The following MED30 variants were observed in gnomAD, a reference collection of about 807,000 sequenced individuals.
The protein encoded by MED30 is mediator of RNA polymerase II transcription subunit 30.
Under a neutral mutation model 21.7 loss-of-function variants are expected in MED30, and 8 were observed. The observed-to-expected ratio is 0.37, with a 90% confidence interval of 0.22 to 0.67. The LOEUF (loss-of-function observed/expected upper bound fraction) is 0.67. Among genes scored for constraint, MED30 ranks in the 30% least tolerant of loss-of-function variants. MED30 has a pLI of 0.58. For synonymous variants in MED30, 79 were observed against 86.7 expected (o/e 0.91, Z 0.49); for missense variants, 203 against 228.2 (o/e 0.89, Z 0.71).
chr8:117,520,903 G>T lies in MED30; in HGVS notation c.27G>T (p.Ser9=), dbSNP rs1318354545. 1.2e-6 allele frequency: 2 copies of T among 1,606,778 alleles called. No individual in the cohort carries two copies. The highest frequency in any genetic ancestry group is 1.7e-6 in the Non-Finnish European group (2 of 1,176,984). MSTPPLAA[S]GMAPGPFAGP... ...TGTCCACCCCTCCGTTGGCCGCGTC[G>T]GGGATGGCGCCCGGGCCCTTCGCCG... Residue 9 remains serine, a synonymous_variant, in exon 1 of 4, where the codon TCG becomes TCT. Coordinates refer to ENST00000297347, the MANE Select transcript of MED30 (RefSeq NM_080651.4).
intron 1 of MED30, chr8:117,523,815 TA>T: frequency 1.6e-6 from 1 of 612,264 alleles, no homozygotes; most frequent in Admixed American, 3.0e-5. Flanking sequence ...GAGACCAGCC[TA>T]GCCAACATGG....
At chr8:117,527,394 A>C (rs888965766) in intron 1 of MED30, among the ~76,000 whole-genome samples, 1 of 151,944 alleles carries the variant, frequency 6.6e-6, no homozygotes, top group African/African-American at 2.4e-5. Flanking sequence ...AACTCCTAAT[A>C]ATATCACACT....
chr8:117,523,829 A>G (rs1818675524), intron 1 of MED30: 3 of 541,818 alleles, frequency 5.5e-6, no homozygotes, highest in Admixed American at 3.2e-5. Context: ...CAACATGGTG[A>G]AACCCCATCT....
chr8:117,537,471 TG>T (rs1818899095), intron 3 of MED30, among the ~76,000 whole-genome samples: 1 of 152,224 alleles, frequency 6.6e-6, no homozygotes, highest in Admixed American at 6.5e-5. Flanking sequence ...ATATTTTATT[TG>T]TATGCTAATT....
chr8:117,526,952 G>A (rs554403559), intron 1 of MED30, among the ~76,000 whole-genome samples: 2 of 151,928 alleles, frequency 1.3e-5, no homozygotes, highest in South Asian at 2.1e-4. Context: ...AGATTTATGG[G>A]TAAAATAACT....
chr8:117,523,629 A>G (rs1818669522), intron 1 of MED30: 1 of 1,599,780 alleles, frequency 6.3e-7, no homozygotes, highest in South Asian at 1.1e-5. Flanking sequence ...CCTTCATGAC[A>G]TGAAGGTTGG....
At chr8:117,535,462 G>A (rs926995093) in intron 3 of MED30, among the ~76,000 whole-genome samples, 14 of 151,568 alleles carry the variant, frequency 9.2e-5, no homozygotes, top group South Asian at 4.2e-4. Context: ...AACTCCTGAC[G>A]TCGTGATCAC....
chr8:117,539,792 CATT>C (rs1818947648), intron 3 of MED30, 88 bp from the exon 4 acceptor site: 1 of 755,930 alleles, frequency 1.3e-6, no homozygotes, highest in Non-Finnish European at 2.2e-6. Context: ...CTGTCTGTAT[CATT>C]ATAATCCTAA....
intron 1 of MED30, among the ~76,000 whole-genome samples, chr8:117,524,953 G>A (rs1278339595): frequency 6.6e-6 from 1 of 152,082 alleles, no homozygotes; most frequent in South Asian, 2.1e-4. Flanking sequence ...AGTTTACACT[G>A]CATGGAAATA....
chr8:117,535,042 CTT>C (rs1818852700), intron 3 of MED30, among the ~76,000 whole-genome samples: 1 of 151,784 alleles, frequency 6.6e-6, no homozygotes, highest in African/African-American at 2.4e-5. Context: ...TATAAAAGGA[CTT>C]TCTCCATATG....
At chr8:117,534,070 T>C (rs1166317272) in intron 3 of MED30, among the ~76,000 whole-genome samples, 1 of 152,122 alleles carries the variant, frequency 6.6e-6, no homozygotes, top group Non-Finnish European at 1.5e-5. Flanking sequence ...TTGTTTAAAC[T>C]ACTAGATAGT....
chr8:117,523,485 G>C, intron 1 of MED30: 1 of 1,588,740 alleles, frequency 6.3e-7, no homozygotes, highest in East Asian at 2.2e-5. Flanking sequence ...GGCGTAGGGT[G>C]GCAGGAACAA....
In MED30 at chr8:117,537,759, G is replaced by A. The variant is rs572162399; in HGVS notation, c.442-2124G>A. 4.6e-5 allele frequency among the ~76,000 whole-genome samples: 7 copies of A among 152,234 alleles called. No individual in the cohort carries two copies. The East Asian group carries it at 1.4e-3, about 29-fold the overall frequency. On this transcript the variant is annotated intron_variant, in intron 3 of 3. Coordinates refer to ENST00000297347, the MANE Select transcript of MED30 (RefSeq NM_080651.4). Reference sequence around the variant, plus strand: ...AGACCATTGTGATAGCCAGCTGCAAGCCCTGAGTTGATACTGATTATAAAG... The same window carrying A: ...AGACCATTGTGATAGCCAGCTGCAAACCCTGAGTTGATACTGATTATAAAG...
Position 117,521,445 on chromosome 8 carries a change from C to CT in MED30, c.177+399dup, listed in dbSNP as rs557111963. On this transcript the variant is annotated intron_variant, in intron 1 of 3. Coordinates refer to ENST00000297347, the MANE Select transcript of MED30 (RefSeq NM_080651.4). ...CATTTTTTTTAAAAAAACAGTCCTC[C>CT]TTTTTTTGGCATAGTTAATATACAG... Among the ~76,000 whole-genome samples the CT allele has an allele frequency of 3.3e-5, 5 of 152,078 alleles. No individual in the cohort carries two copies. The South Asian group carries it at 1.0e-3, about 32-fold the overall frequency.
intron 1 of MED30, 128 bp from the exon 2 acceptor site, chr8:117,528,523 C>G (rs1486356946): frequency 3.3e-6 from 2 of 612,990 alleles, no homozygotes; most frequent in African/African-American, 1.9e-5. Context: ...TAAACTTGAT[C>G]AGTTGTGAGG....
intron 3 of MED30, among the ~76,000 whole-genome samples, chr8:117,533,414 T>C (rs545376400): frequency 3.3e-5 from 5 of 152,170 alleles, no homozygotes; most frequent in Non-Finnish European, 7.4e-5. Flanking sequence ...AGGATTTAGC[T>C]CCCTACAGCC....
At chr8:117,526,292 T>C (rs1464011614) in intron 1 of MED30, among the ~76,000 whole-genome samples, 1 of 152,056 alleles carries the variant, frequency 6.6e-6, no homozygotes, top group African/African-American at 2.4e-5. Flanking sequence ...TTTTTCTCTT[T>C]CTTCTCTAAT....
At chr8:117,529,241 A>G (rs543519969) in intron 2 of MED30, among the ~76,000 whole-genome samples, 1 of 151,988 alleles carries the variant, frequency 6.6e-6, no homozygotes, top group African/African-American at 2.4e-5. Context: ...GAATCACTAT[A>G]TTTTAAAAAT....
In MED30 at chr8:117,521,048, A is replaced by G. The variant is rs372121735; in HGVS notation, c.172A>G (p.Met58Val). The G allele has an allele frequency of 6.3e-7, 1 of 1,582,662 alleles. No homozygotes were observed. The highest frequency in any genetic ancestry group is 1.1e-5 in the South Asian group (1 of 89,364). The change falls in exon 1 of 4, where the codon ATG becomes GTG. Residue 58 changes from methionine (M) to valine (V), a missense_variant. Physicochemically the swap from Met to Val is conservative, Grantham distance 21. Coordinates refer to ENST00000297347, the MANE Select transcript of MED30 (RefSeq NM_080651.4). ...TMEIFQLLRN[M>V]QLPNGVTYHT... ...GGAGATCTTCCAGCTCCTGAGGAAC[A>G]TGCAGGTAGGAAGGCGGGCGCGCGA...
Sources: allele counts gnomAD v4.1 joint callset (sites outside exome capture counted in the v4.1 genomes callset), GRCh38; gene constraint gnomAD v4.1.1; transcripts MANE v1.5; gene names NCBI Gene and HGNC (gene_info 2026-07-23, HGNC 2026-07-21).